KAZN: variants seen among roughly 807,000 people sequenced by gnomAD.
KAZN encodes the protein kazrin.
Under a neutral mutation model 87.4 loss-of-function variants are expected in KAZN, and 40 were observed. The observed-to-expected ratio is 0.46, with a 90% confidence interval of 0.36 to 0.60. The LOEUF (loss-of-function observed/expected upper bound fraction) is 0.60. Among genes scored for constraint, KAZN ranks in the 20% least tolerant of loss-of-function variants. The pLI is 0.00. For synonymous variants in KAZN, 466 were observed against 458.3 expected (o/e 1.02, Z -0.22); for missense variants, 898 against 1,073.9 (o/e 0.84, Z 2.29).
At chr1:14,259,716 G>C (rs976558136) in intron 2 of KAZN, among the ~76,000 whole-genome samples, 3 of 152,224 alleles carry the variant, frequency 2.0e-5, no homozygotes, top group African/African-American at 7.2e-5. Context: ...AAATGGCAGA[G>C]GTAGGAATCT....
intron 1 of KAZN, among the ~76,000 whole-genome samples, chr1:14,774,197 G>A (rs78199475): frequency 0.023 from 3,504 of 152,256 alleles, 117 homozygotes; most frequent in African/African-American, 0.079. Flanking sequence ...ACTGGTCTTA[G>A]AGTCTGATAG....
At chr1:14,346,617 C>T (rs537875187) in intron 2 of KAZN, among the ~76,000 whole-genome samples, 3 of 152,208 alleles carry the variant, frequency 2.0e-5, no homozygotes, top group South Asian at 2.1e-4. Context: ...TGACTTCCAG[C>T]GCTCAGATCA....
intron 1 of KAZN, among the ~76,000 whole-genome samples, chr1:14,016,615 G>T (rs1015145244): frequency 6.6e-6 from 1 of 152,150 alleles, no homozygotes; most frequent in African/African-American, 2.4e-5. Context: ...ACTTTGGGAT[G>T]CATCGTCCTA....
intron 1 of KAZN, among the ~76,000 whole-genome samples, chr1:14,643,940 A>G (rs1456572225): frequency 6.8e-6 from 1 of 146,134 alleles, no homozygotes; most frequent in Non-Finnish European, 1.5e-5. Context: ...CTTTTTTTTC[A>G]TATTCTTCTT....
rs561714751 is a variant in KAZN, at chr1:14,192,423, C to T, written c.249+11831C>T. 6.7e-4 allele frequency among the ~76,000 whole-genome samples: 102 copies of T among 152,156 alleles called. 1 individual carries two copies. In the South Asian group the frequency reaches 0.011, roughly 16 times the overall value. On this transcript the variant is annotated intron_variant, in intron 2 of 16. Transcript: ENST00000636203. ...TGAAATTAAGCTCCAGGGACCCACTCATTTCTACACTTGTGCAGTCAAGCA... is the reference window on the plus strand; with the variant it reads ...TGAAATTAAGCTCCAGGGACCCACTTATTTCTACACTTGTGCAGTCAAGCA...
intron 1 of KAZN, among the ~76,000 whole-genome samples, chr1:14,919,184 T>A (rs368773612): frequency 1.3e-5 from 2 of 152,068 alleles, no homozygotes; most frequent in Non-Finnish European, 2.9e-5. Context: ...CACTTTTTTG[T>A]TTGTTTGTTT....
intron 1 of KAZN, among the ~76,000 whole-genome samples, chr1:14,676,438 A>G (rs1004598337): frequency 6.6e-6 from 1 of 152,058 alleles, no homozygotes; most frequent in Non-Finnish European, 1.5e-5. Flanking sequence ...CCTGAGCCTC[A>G]GTTCCCGTCT....
At chr1:14,952,658 G>GC (rs34565024) in intron 1 of KAZN, among the ~76,000 whole-genome samples, 88,291 of 151,814 alleles carry the variant, frequency 0.58, 28,849 homozygotes, top group African/African-American at 0.89. Flanking sequence ...TCCACTCAGA[G>GC]CCCCCCAAGC....
chr1:13,904,413 C>T (rs972362308), intron 1 of KAZN, among the ~76,000 whole-genome samples: 1 of 152,144 alleles, frequency 6.6e-6, no homozygotes, highest in African/African-American at 2.4e-5. Flanking sequence ...CCAGTCACAG[C>T]TGAGATGATC....
intron 1 of KAZN, among the ~76,000 whole-genome samples, chr1:14,952,320 C>G (rs1662594138): frequency 6.6e-6 from 1 of 151,264 alleles, no homozygotes; most frequent in Non-Finnish European, 1.5e-5. Context: ...ACAGACCCCT[C>G]GCTATCCACA....
chr1:14,547,656 C>T (rs1673241218), intron 2 of KAZN, among the ~76,000 whole-genome samples: 1 of 152,128 alleles, frequency 6.6e-6, no homozygotes, highest in Non-Finnish European at 1.5e-5. Context: ...AGTCTCGGCT[C>T]ACTGCAAGCT....
intron 2 of KAZN, among the ~76,000 whole-genome samples, chr1:14,326,002 C>CTG (rs773663584): frequency 5.3e-5 from 8 of 152,140 alleles, no homozygotes; most frequent in Non-Finnish European, 1.2e-4. Flanking sequence ...GTGAATGCAC[C>CTG]TGTCTGTCCT....
At chr1:14,765,027 G>A (rs1557466412) in intron 1 of KAZN, among the ~76,000 whole-genome samples, 2 of 152,196 alleles carry the variant, frequency 1.3e-5, no homozygotes, top group Admixed American at 6.5e-5. Flanking sequence ...TTAAGTACAA[G>A]TTTGATCTCC....
At chr1:14,808,771 A>T (rs1013131287) in intron 1 of KAZN, among the ~76,000 whole-genome samples, 2 of 152,204 alleles carry the variant, frequency 1.3e-5, no homozygotes, top group African/African-American at 2.4e-5. Flanking sequence ...TAAACAATAA[A>T]TAAATCTCAT....
At chr1:14,391,218 C>T (rs1442753326) in intron 2 of KAZN, among the ~76,000 whole-genome samples, 1 of 152,208 alleles carries the variant, frequency 6.6e-6, no homozygotes, top group Non-Finnish European at 1.5e-5. Context: ...CCTGGGCTGT[C>T]TTTCCTCATT....
chr1:14,452,551 C>A (rs1006574520), intron 2 of KAZN, among the ~76,000 whole-genome samples: 6 of 152,208 alleles, frequency 3.9e-5, no homozygotes, highest in Non-Finnish European at 5.9e-5. Context: ...TTCATCAAGA[C>A]CCTCCAGGTA....
At chr1:14,811,854 G>A (rs951965060) in intron 1 of KAZN, among the ~76,000 whole-genome samples, 2 of 152,196 alleles carry the variant, frequency 1.3e-5, no homozygotes, top group African/African-American at 4.8e-5. Flanking sequence ...GACAAACCCT[G>A]AGATGTTACA....
At chr1:14,134,685 A>G (rs6696867) in intron 1 of KAZN, among the ~76,000 whole-genome samples, 87,119 of 151,924 alleles carry the variant, frequency 0.57, 26,276 homozygotes, top group East Asian at 0.76. Context: ...AGATATTAGC[A>G]GCATATTGTT....
intron 12 of KAZN, 101 bp downstream of exon 12, chr1:15,103,561 C>T: frequency 1.3e-6 from 1 of 796,590 alleles, no homozygotes; most frequent in Non-Finnish European, 2.2e-6. Flanking sequence ...AATCAATATG[C>T]AGATCTCATG....
Sources: allele counts gnomAD v4.1 joint callset (sites outside exome capture counted in the v4.1 genomes callset), GRCh38; gene constraint gnomAD v4.1.1; transcripts MANE v1.5; gene names NCBI Gene and HGNC (gene_info 2026-07-23, HGNC 2026-07-21).